HK2: variants seen among roughly 807,000 people sequenced by gnomAD.
HK2 encodes the protein hexokinase-2.
HK2 carries 42 observed loss-of-function variants against 92.9 expected under a neutral mutation model. That is an observed-to-expected ratio of 0.45 (90% CI 0.35 to 0.58). The LOEUF is 0.58. HK2 is among the 20% of genes least tolerant of loss of function. The pLI, the probability that HK2 is intolerant of heterozygous loss-of-function variation, is 0.00. For missense variants in HK2, 978 were observed against 1,245.1 expected (o/e 0.79, Z 3.23); for synonymous variants, 422 against 468.0 (o/e 0.90, Z 1.27).
chr2:74,850,830 T>G (rs1688549474), intron 1 of HK2, among the ~76,000 whole-genome samples: 1 of 152,194 alleles, frequency 6.6e-6, no homozygotes, highest in South Asian at 2.1e-4. Context: ...TTTAGGAAAC[T>G]GTGGCATTAA....
chr2:74,852,252 C>T (rs926006228), intron 1 of HK2, among the ~76,000 whole-genome samples: 4 of 152,194 alleles, frequency 2.6e-5, no homozygotes, highest in African/African-American at 9.7e-5. Context: ...GTCTGGGTAG[C>T]CCCAGACTTT....
At chr2:74,888,787 A>T (rs1466659158) in intron 16 of HK2, among the ~76,000 whole-genome samples, 1 of 152,102 alleles carries the variant, frequency 6.6e-6, no homozygotes, top group Non-Finnish European at 1.5e-5. Flanking sequence ...CTTTATTTAC[A>T]CTTCCTTCGT....
In HK2 at chr2:74,867,690, G is replaced by T. The variant is rs1391360250; in HGVS notation, c.281G>T (p.Trp94Leu). The T allele has an allele frequency of 5.6e-6, 9 of 1,613,958 alleles. No individual in the cohort carries two copies. The highest frequency in any genetic ancestry group is 7.6e-6 in the Non-Finnish European group (9 of 1,180,022). The change falls in exon 3 of 18, where the codon TGG (tryptophan) becomes TTG (leucine). Residue 94 changes from tryptophan (W) to leucine (L), a missense_variant. By Grantham distance (61) the Trp-to-Leu change is moderately conservative. Coordinates refer to ENST00000290573, the MANE Select transcript of HK2 (RefSeq NM_000189.5). ...DLGGTNFRVL[W>L]VKVTDNGLQK... ...GGAGGGACCAACTTCCGTGTGCTTT[G>T]GGTGAAAGTAACGGACAATGGGCTC...
At chr2:74,878,978 T>A in intron 9 of HK2, 57 bp downstream of exon 9, 1 of 1,349,952 alleles carries the variant, frequency 7.4e-7, no homozygotes, top group Non-Finnish European at 1.0e-6. Context: ...TGGGGCTGAG[T>A]GACTCCTCAT....
chr2:74,880,600 T>A (rs773018649), intron 10 of HK2, 31 bp downstream of exon 10: 2 of 1,603,708 alleles, frequency 1.2e-6, no homozygotes, highest in Non-Finnish European at 1.7e-6. Flanking sequence ...CTGGCTCACA[T>A]GGTGGGCCTT....
At chr2:74,843,243 C>T (rs1426984844) in intron 1 of HK2, among the ~76,000 whole-genome samples, 4 of 152,116 alleles carry the variant, frequency 2.6e-5, no homozygotes, top group Non-Finnish European at 5.9e-5. Context: ...AGCTCTTTGC[C>T]CCTCATATAC....
chr2:74,839,517 T>C (rs948250493), intron 1 of HK2, among the ~76,000 whole-genome samples: 2 of 152,224 alleles, frequency 1.3e-5, no homozygotes, highest in African/African-American at 2.4e-5. Flanking sequence ...AGAAGACAAC[T>C]GATGGTAGTT....
chr2:74,873,735 G>T, intron 5 of HK2, 109 bp from the exon 6 acceptor site: 1 of 700,322 alleles, frequency 1.4e-6, no homozygotes, highest in Non-Finnish European at 2.5e-6. Context: ...AGGGAGGGGG[G>T]AGAGAGAGAG....
intron 2 of HK2, among the ~76,000 whole-genome samples, chr2:74,865,278 TTTA>T (rs2103927024): frequency 6.6e-6 from 1 of 151,948 alleles, no homozygotes; most frequent in South Asian, 2.1e-4. Flanking sequence ...TCAGCAATAC[TTTA>T]TTATTTGTGT....
At chr2:74,872,254 T>A in intron 3 of HK2, 46 bp from the exon 4 acceptor site, 1 of 1,609,176 alleles carries the variant, frequency 6.2e-7, no homozygotes, top group Non-Finnish European at 8.5e-7. Context: ...TTAATCTCTA[T>A]GCTGTTCGAC....
intron 1 of HK2, among the ~76,000 whole-genome samples, chr2:74,852,537 T>C (rs527852822): frequency 2.0e-5 from 3 of 152,238 alleles, no homozygotes; most frequent in African/African-American, 7.2e-5. Flanking sequence ...TTCCCAGATA[T>C]TGTAGGAACC....
At position 74,878,832 on chromosome 2, in the gene HK2, C is replaced by A; in HGVS notation, c.1176C>A (p.Ala392=). ...GCCTGTGCGCAGCCACCCTGGCCGC[C>A]GTGCTGCAGCGCATCAAGGAGAACA... ...SASLCAATLA[A]VLQRIKENKG... is the part of the protein sequence containing the mutation. The change falls in exon 9 of 18, where the codon GCC becomes GCA. Residue 392 remains alanine (A), a synonymous_variant. Coordinates refer to ENST00000290573, the MANE Select transcript of HK2 (RefSeq NM_000189.5). The A allele has an allele frequency of 6.4e-7, 1 of 1,556,798 alleles. No individual in the cohort carries two copies. Among genetic ancestry groups the A allele is most frequent in the Non-Finnish European group, 8.7e-7 (1 of 1,149,668 alleles).
rs3821305 is a variant in HK2 at position 74,891,610 on chromosome 2, C to T, written c.*669C>T. 0.56 allele frequency: 85,733 copies of T among 152,176 alleles called. 24,320 individuals are homozygous for T. Among genetic ancestry groups the T allele is most frequent in the Middle Eastern group, 0.78 (229 of 294 alleles). 9.4% of individuals were successfully genotyped at this position (152,176 alleles called of 1,614,324 possible). A position where few individuals can be genotyped will look rare whatever the true frequency, so the allele number is the denominator to read the frequency against. On this transcript the variant is annotated 3_prime_UTR_variant, in exon 18 of 18. Transcript: ENST00000290573. ...CGCATCCTGCAGTTGGGCCAGCTGTCGCATCTCAGCGGGGCGCACATGTTA... is the reference window on the plus strand; with the variant it reads ...CGCATCCTGCAGTTGGGCCAGCTGTTGCATCTCAGCGGGGCGCACATGTTA...
intron 1 of HK2, among the ~76,000 whole-genome samples, chr2:74,841,913 G>A (rs1355340800): frequency 6.6e-6 from 1 of 152,220 alleles, no homozygotes; most frequent in African/African-American, 2.4e-5. Flanking sequence ...GGGAGCAGAG[G>A]AGGTAGGCCA....
chr2:74,872,195 GT>G, intron 3 of HK2, 104 bp from the exon 4 acceptor site: 1 of 1,163,946 alleles, frequency 8.6e-7, no homozygotes, highest in Admixed American at 1.8e-5. Flanking sequence ...GGAGATATGG[GT>G]TTTGCACACA....
chr2:74,872,349 A>G lies in HK2; in HGVS notation c.425A>G (p.Gln142Arg). 2 of 1,614,068 alleles carry G rather than the reference A, an allele frequency of 1.2e-6. No homozygotes were observed. Among genetic ancestry groups the G allele is most frequent in the Non-Finnish European group, 1.7e-6 (2 of 1,179,948 alleles). ...CTGGCTAACTTCATGGATAAGCTAC[A>G]AATCAAAGACAAGAAGCTCCCACTG... ...ECLANFMDKL[Q>R]IKDKKLPLGF... The change falls in exon 4 of 18, where the codon CAA (glutamine) becomes CGA (arginine). Residue 142 changes from glutamine to arginine, a missense_variant. Physicochemically the swap from Gln to Arg is conservative, Grantham distance 43. Coordinates refer to ENST00000290573, the MANE Select transcript of HK2 (RefSeq NM_000189.5).
intron 1 of HK2, among the ~76,000 whole-genome samples, chr2:74,852,497 G>A (rs1213020721): frequency 2.0e-5 from 3 of 152,144 alleles, no homozygotes; most frequent in African/African-American, 7.2e-5. Context: ...CCTTGTTGGG[G>A]AGGCCCAGGC....
chr2:74,890,149 G>A (rs912285505), intron 17 of HK2, among the ~76,000 whole-genome samples: 1 of 152,164 alleles, frequency 6.6e-6, no homozygotes, highest in Non-Finnish European at 1.5e-5. Flanking sequence ...AGGATTGGGA[G>A]GGGGCAGAAG....
chr2:74,848,683 G>A (rs887336456), intron 1 of HK2, among the ~76,000 whole-genome samples: 1 of 152,130 alleles, frequency 6.6e-6, no homozygotes, highest in Admixed American at 6.5e-5. Flanking sequence ...ACTCAAGGTA[G>A]GATCTGTAGT....
Sources: allele counts gnomAD v4.1 joint callset (sites outside exome capture counted in the v4.1 genomes callset), GRCh38; gene constraint gnomAD v4.1.1; transcripts MANE v1.5; gene names NCBI Gene and HGNC (gene_info 2026-07-23, HGNC 2026-07-21).